The following FHIT variants were observed in gnomAD, a reference collection of about 807,000 sequenced individuals.
FHIT encodes fragile histidine triad diadenosine triphosphatase.
A neutral mutation model predicts 17.9 loss-of-function variants in FHIT; 19 were observed. The observed-to-expected ratio is 1.06, with a 90% CI of 0.74 to 1.56. The LOEUF is 1.56. Among genes scored for constraint, FHIT ranks in the 40% most tolerant of loss-of-function variants. The pLI is 0.00. For synonymous variants in FHIT, 81 were observed against 69.7 expected (o/e 1.16, Z -0.81); for missense variants, 248 against 189.2 (o/e 1.31, Z -1.82).
At chr3:61,162,335 G>A (rs529674847) in intron 2 of FHIT, among the ~76,000 whole-genome samples, 123 of 152,160 alleles carry the variant, frequency 8.1e-4, no homozygotes, top group Non-Finnish European at 1.4e-3. Flanking sequence ...TTCTTCTCAG[G>A]TTTTTTTCTT....
chr3:60,826,390 A>C (rs1185066773), intron 3 of FHIT, among the ~76,000 whole-genome samples: 4 of 152,142 alleles, frequency 2.6e-5, no homozygotes, highest in Admixed American at 2.6e-4. Flanking sequence ...GCAATGGCAC[A>C]ATCTCGGCTC....
intron 5 of FHIT, among the ~76,000 whole-genome samples, chr3:60,270,694 G>C (rs1706816268): frequency 6.6e-6 from 1 of 152,168 alleles, no homozygotes; most frequent in South Asian, 2.1e-4. Flanking sequence ...CAAGATTCTA[G>C]GCAGAGCTCT....
intron 4 of FHIT, among the ~76,000 whole-genome samples, chr3:60,816,879 C>A (rs1701758194): frequency 6.6e-6 from 1 of 151,936 alleles, no homozygotes; most frequent in African/African-American, 2.4e-5. Context: ...AGTCCACTGA[C>A]ATTTAGTCTG....
chr3:60,500,799 T>TAAAAAAAAAA (rs2034495640), intron 5 of FHIT, among the ~76,000 whole-genome samples: 1 of 112,770 alleles, frequency 8.9e-6, no homozygotes. Context: ...AAAAAAAAAT[T>TAAAAAAAAAA]GTATTGGTGC....
intron 5 of FHIT, among the ~76,000 whole-genome samples, chr3:60,027,640 T>C (rs1242678092): frequency 6.6e-6 from 1 of 151,856 alleles, no homozygotes; most frequent in African/African-American, 2.4e-5. Context: ...CTTTAATGTT[T>C]CTATAAGGAA....
At chr3:60,710,910 G>C (rs1553704890) in intron 4 of FHIT, among the ~76,000 whole-genome samples, 2 of 152,216 alleles carry the variant, frequency 1.3e-5, no homozygotes, top group Non-Finnish European at 2.9e-5. Context: ...TGACAGCTTT[G>C]AGGAGAGCAG....
chr3:60,078,560 A>G (rs1419129170), intron 5 of FHIT, among the ~76,000 whole-genome samples: 1 of 152,184 alleles, frequency 6.6e-6, no homozygotes, highest in South Asian at 2.1e-4. Flanking sequence ...GTGATCCTGG[A>G]ATGGATCCTG....
intron 5 of FHIT, among the ~76,000 whole-genome samples, chr3:60,123,604 T>C (rs1185501409): frequency 6.6e-6 from 1 of 152,082 alleles, no homozygotes; most frequent in African/African-American, 2.4e-5. Flanking sequence ...TGTGTTTTAA[T>C]ACCAACACAG....
chr3:61,154,470 A>G (rs1168933492), intron 2 of FHIT, among the ~76,000 whole-genome samples: 1 of 149,410 alleles, frequency 6.7e-6, no homozygotes, highest in Non-Finnish European at 1.5e-5. Flanking sequence ...AAACAGAGAA[A>G]TTTTGTTATT....
chr3:60,164,565 CA>C, intron 5 of FHIT, among the ~76,000 whole-genome samples: 1 of 151,660 alleles, frequency 6.6e-6, no homozygotes, highest in South Asian at 2.1e-4. Context: ...CTAACGCAGT[CA>C]GGGGGAGATG....
At chr3:60,810,012 CCA>C (rs1553735608) in intron 4 of FHIT, among the ~76,000 whole-genome samples, 1 of 152,116 alleles carries the variant, frequency 6.6e-6, no homozygotes, top group Non-Finnish European at 1.5e-5. Context: ...AAGGATTAAC[CCA>C]CACACTGCGG....
intron 5 of FHIT, among the ~76,000 whole-genome samples, chr3:60,327,681 A>C (rs886556385): frequency 3.9e-5 from 6 of 152,202 alleles, no homozygotes; most frequent in East Asian, 1.9e-4. Context: ...AACCACTACC[A>C]GATGTTTTAA....
At chr3:60,123,980 A>G in intron 5 of FHIT, among the ~76,000 whole-genome samples, 1 of 27,572 alleles carries the variant, frequency 3.6e-5, no homozygotes, top group Non-Finnish European at 7.1e-5. Flanking sequence ...ATATATATAT[A>G]TATATATATA....
intron 5 of FHIT, among the ~76,000 whole-genome samples, chr3:60,466,518 A>G (rs953833867): frequency 6.6e-6 from 1 of 152,008 alleles, no homozygotes; most frequent in Non-Finnish European, 1.5e-5. Context: ...TCTGTCATAT[A>G]TGGCTTTTAT....
intron 3 of FHIT, among the ~76,000 whole-genome samples, chr3:60,843,555 T>A (rs553374126): frequency 6.6e-6 from 1 of 152,326 alleles, no homozygotes; most frequent in African/African-American, 2.4e-5. Context: ...GTTCTTGTGC[T>A]GGATTTTGAA....
At chr3:60,480,187 C>T (rs1372323200) in intron 5 of FHIT, among the ~76,000 whole-genome samples, 4 of 152,026 alleles carry the variant, frequency 2.6e-5, no homozygotes, top group South Asian at 2.1e-4. Context: ...GGGGAGAGTC[C>T]GGAGACTTAT....
chr3:60,011,014 AC>A (rs1349027680), intron 7 of FHIT, among the ~76,000 whole-genome samples: 1 of 152,144 alleles, frequency 6.6e-6, no homozygotes, highest in Non-Finnish European at 1.5e-5. Flanking sequence ...TGTCAAAGAC[AC>A]CCCAGGCTTA....
intron 3 of FHIT, among the ~76,000 whole-genome samples, chr3:61,001,192 C>A (rs1369951173): frequency 6.6e-6 from 1 of 152,170 alleles, no homozygotes; most frequent in Non-Finnish European, 1.5e-5. Context: ...CACTAGATCA[C>A]TCAGACATTG....
intron 8 of FHIT, among the ~76,000 whole-genome samples, chr3:59,821,546 C>T (rs973589892): frequency 5.3e-5 from 8 of 152,138 alleles, no homozygotes; most frequent in African/African-American, 1.4e-4. Context: ...CTGGAATCAC[C>T]TCTGCCTTGC....
Sources: gnomAD v4.1 joint callset for allele counts (sites outside exome capture counted in the v4.1 genomes callset) on GRCh38, gnomAD v4.1.1 for gene constraint, MANE v1.5 for transcripts, NCBI Gene and HGNC (gene_info 2026-07-23, HGNC 2026-07-21) for gene names.